Variants in BTBD9 observed in about 807,000 individuals in gnomAD.
The protein encoded by BTBD9 is BTB/POZ domain-containing protein 9.
A neutral mutation model predicts 64.3 loss-of-function variants in BTBD9; 49 were observed. The observed-to-expected ratio is 0.76, with a 90% confidence interval of 0.61 to 0.97. BTBD9 has a LOEUF of 0.97. Among genes scored for constraint, BTBD9 ranks in the 50% least tolerant of loss-of-function variants. The pLI, the probability that BTBD9 is intolerant of heterozygous loss-of-function variation, is 0.00. For missense variants in BTBD9, 598 were observed against 762.1 expected, an observed-to-expected ratio of 0.78 and a Z score of 2.53; for synonymous variants, 260 against 274.7, an observed-to-expected ratio of 0.95 and a Z score of 0.53.
Position 38,334,638 on chromosome 6 carries a change from AAAT to A in BTBD9, c.1264+10343_1264+10345del, listed in dbSNP as rs1253088897. On this transcript the variant is annotated intron_variant, in intron 7 of 10. Coordinates refer to ENST00000481247, the MANE Select transcript of BTBD9 (RefSeq NM_001099272.2). ...AACATAACATAACATAAAATAAATA[AAAT>A]AATAAAATAAAATAAAACAAAACAA... is the stretch of plus-strand genomic sequence containing the variant. 4.1e-5 allele frequency among the ~76,000 whole-genome samples: 6 copies of A among 146,226 alleles called. No individual in the cohort carries two copies. In the South Asian group the frequency reaches 6.6e-4, roughly 16 times the overall value.
chr6:38,388,177 C>T (rs1380133355), intron 6 of BTBD9, among the ~76,000 whole-genome samples: 4 of 148,568 alleles, frequency 2.7e-5, no homozygotes, highest in African/African-American at 7.5e-5. Context: ...TTCAGATATG[C>T]ACTTTGTTCC....
At chr6:38,566,902 C>T (rs188402804) in intron 6 of BTBD9, among the ~76,000 whole-genome samples, 22 of 152,328 alleles carry the variant, frequency 1.4e-4, no homozygotes, top group African/African-American at 5.3e-4. Context: ...ATGGTAGTCA[C>T]TGATCAACAG....
At chr6:38,248,541 G>C (rs960774044) in intron 9 of BTBD9, among the ~76,000 whole-genome samples, 1 of 152,166 alleles carries the variant, frequency 6.6e-6, no homozygotes, top group Non-Finnish European at 1.5e-5. Context: ...AGGACAATAC[G>C]TGAGGGAGTA....
At chr6:38,436,058 G>A (rs1399346487) in intron 6 of BTBD9, among the ~76,000 whole-genome samples, 2 of 151,882 alleles carry the variant, frequency 1.3e-5, no homozygotes, top group African/African-American at 4.9e-5. Flanking sequence ...GCAAAATCAT[G>A]AAATGTCATA....
At chr6:38,496,631 G>A (rs1771971199) in intron 6 of BTBD9, among the ~76,000 whole-genome samples, 1 of 151,136 alleles carries the variant, frequency 6.6e-6, no homozygotes. Context: ...TGCAGCCTGG[G>A]TGACAGAGCA....
intron 9 of BTBD9, among the ~76,000 whole-genome samples, chr6:38,240,079 T>C (rs1229586276): frequency 6.6e-6 from 1 of 152,166 alleles, no homozygotes; most frequent in African/African-American, 2.4e-5. Context: ...TCTGGGAAGA[T>C]CTGAGCTCAA....
In BTBD9 at chr6:38,169,535, G is replaced by T. The variant is rs1193734831; in HGVS notation, c.*5450C>A. The T allele has an allele frequency of 6.6e-6, 1 of 152,604 alleles. No individual in the cohort carries two copies. Among genetic ancestry groups the T allele is most frequent in the Non-Finnish European group, 1.5e-5 (1 of 68,256 alleles). 9.5% of individuals were successfully genotyped at this position (152,604 alleles called of 1,614,324 possible). Reference sequence around the variant, plus strand: ...CCAGGGCCCAGTCCCTGCCCTGAAGGCTGCTCAGCCCCTCCAGCCCCCGTC... The same window carrying T: ...CCAGGGCCCAGTCCCTGCCCTGAAGTCTGCTCAGCCCCTCCAGCCCCCGTC... On this transcript the variant is annotated 3_prime_UTR_variant, in exon 11 of 11. Coordinates refer to ENST00000481247, the MANE Select transcript of BTBD9 (RefSeq NM_001099272.2).
chr6:38,284,283 G>A (rs186115916), intron 8 of BTBD9, among the ~76,000 whole-genome samples: 5 of 152,004 alleles, frequency 3.3e-5, no homozygotes, highest in African/African-American at 7.2e-5. Context: ...CATCATCCCC[G>A]CTCTGAGTCA....
At chr6:38,440,533 CAGAAA>C (rs1768978532) in intron 6 of BTBD9, among the ~76,000 whole-genome samples, 1 of 152,036 alleles carries the variant, frequency 6.6e-6, no homozygotes, top group Non-Finnish European at 1.5e-5. Context: ...GAATAGGTTT[CAGAAA>C]GAACACAACC....
intron 6 of BTBD9, among the ~76,000 whole-genome samples, chr6:38,379,508 A>G (rs1295674992): frequency 6.6e-6 from 1 of 152,224 alleles, no homozygotes; most frequent in Non-Finnish European, 1.5e-5. Flanking sequence ...TTTGGGAGAC[A>G]GGCAAAGAGA....
At chr6:38,569,939 T>C (rs1172125166) in intron 6 of BTBD9, among the ~76,000 whole-genome samples, 1 of 152,122 alleles carries the variant, frequency 6.6e-6, no homozygotes, top group Non-Finnish European at 1.5e-5. Context: ...TGGAATTTGT[T>C]TCTAAACACA....
chr6:38,542,983 T>C (rs540929622), intron 6 of BTBD9, among the ~76,000 whole-genome samples: 21 of 152,370 alleles, frequency 1.4e-4, no homozygotes, highest in Middle Eastern at 3.4e-3. Context: ...TTAAACCTTC[T>C]AATGACTTCA....
At chr6:38,402,085 A>T (rs542951229) in intron 6 of BTBD9, among the ~76,000 whole-genome samples, 1 of 152,190 alleles carries the variant, frequency 6.6e-6, no homozygotes, top group Non-Finnish European at 1.5e-5. Flanking sequence ...TAAGAAAACA[A>T]TTTCATTTAC....
At chr6:38,605,853 A>T (rs1441961486) in intron 1 of BTBD9, among the ~76,000 whole-genome samples, 1 of 152,170 alleles carries the variant, frequency 6.6e-6, no homozygotes, top group African/African-American at 2.4e-5. Context: ...ATTGGATTGA[A>T]AGATGCAAAG....
chr6:38,597,828 G>C, intron 2 of BTBD9, 82 bp downstream of exon 2: 1 of 1,158,816 alleles, frequency 8.6e-7, no homozygotes, highest in Admixed American at 2.0e-5. Context: ...ATTATACTTG[G>C]TTATATATTT....
At chr6:38,211,247 G>A (rs1762823512) in intron 9 of BTBD9, among the ~76,000 whole-genome samples, 1 of 152,072 alleles carries the variant, frequency 6.6e-6, no homozygotes, top group Non-Finnish European at 1.5e-5. Context: ...GGCTAACACG[G>A]TGAAACCCCG....
In BTBD9 at chr6:38,210,582, A is replaced by G. The variant is rs201897705; in HGVS notation, c.1563-17985T>C. The stretch of plus-strand genomic sequence containing the variant: ...TGTGTGTGTGTGTGTGTGTGTCTGC[A>G]TCTGGGCAAGAGTTTTTGTGTAGTA... On this transcript the variant is annotated intron_variant, in intron 9 of 10. Transcript: ENST00000481247. 5.7e-5 allele frequency among the ~76,000 whole-genome samples: 8 copies of G among 140,830 alleles called. No individual in the cohort carries two copies. In the East Asian group the frequency reaches 1.3e-3, roughly 24 times the overall value. The allele number at this position is 140,830 out of a possible 152,430, so 92.4% of individuals were successfully genotyped here.
At chr6:38,607,352 G>A (rs1777463883) in intron 1 of BTBD9, among the ~76,000 whole-genome samples, 1 of 152,122 alleles carries the variant, frequency 6.6e-6, no homozygotes, top group South Asian at 2.1e-4. Flanking sequence ...TTTCTAAAAT[G>A]TAAAGTAATT....
chr6:38,293,159 A>G (rs1762025100), intron 7 of BTBD9, among the ~76,000 whole-genome samples: 1 of 152,136 alleles, frequency 6.6e-6, no homozygotes, highest in African/African-American at 2.4e-5. Context: ...TCAAGGAAAT[A>G]AGAGAGAACA....
Sources: allele counts gnomAD v4.1 joint callset (sites outside exome capture counted in the v4.1 genomes callset), GRCh38; gene constraint gnomAD v4.1.1; transcripts MANE v1.5; gene names NCBI Gene and HGNC (gene_info 2026-07-23, HGNC 2026-07-21).